UBAC1: variants seen among roughly 807,000 people sequenced by gnomAD.
UBAC1 encodes UBA domain containing 1.
In UBAC1, 27 loss-of-function variants were observed where a neutral mutation model predicts 45.9. That is an observed-to-expected ratio of 0.59 (90% CI 0.43 to 0.81). The LOEUF (loss-of-function observed/expected upper bound fraction) is 0.81. Among genes scored for constraint, UBAC1 ranks in the 30% least tolerant of loss-of-function variants. UBAC1 has a pLI of 0.00. For missense variants in UBAC1, 529 were observed against 539.2 expected (o/e 0.98, Z 0.19); for synonymous variants, 227 against 215.5 (o/e 1.05, Z -0.47).
chr9:135,939,468 TCA>T (rs373225127), intron 8 of UBAC1, among the ~76,000 whole-genome samples: 11 of 143,600 alleles, frequency 7.7e-5, no homozygotes, highest in East Asian at 4.3e-4. Flanking sequence ...CAGCCCACAC[TCA>T]CAGCCCACAC....
At chr9:135,941,168 G>C (rs1342415502) in intron 7 of UBAC1, among the ~76,000 whole-genome samples, 1 of 152,214 alleles carries the variant, frequency 6.6e-6, no homozygotes, top group Non-Finnish European at 1.5e-5. Context: ...CACTTTGGGA[G>C]GCCGGGGTGG....
intron 9 of UBAC1, among the ~76,000 whole-genome samples, chr9:135,936,370 T>C (rs759062641): frequency 9.2e-5 from 14 of 152,120 alleles, no homozygotes; most frequent in South Asian, 2.1e-4. Context: ...AGAAGATCCC[T>C]ACCTCACACC....
At chr9:135,958,581 T>C (rs1055168747) in intron 1 of UBAC1, among the ~76,000 whole-genome samples, 1 of 151,806 alleles carries the variant, frequency 6.6e-6, no homozygotes, top group South Asian at 2.1e-4. Context: ...TCCAGGCAGA[T>C]GGAAAAGAGG....
chr9:135,957,526 G>A (rs780919176), intron 1 of UBAC1, among the ~76,000 whole-genome samples: 5 of 152,030 alleles, frequency 3.3e-5, no homozygotes, highest in Non-Finnish European at 7.4e-5. Flanking sequence ...CTGCTTCTTT[G>A]TTCTCGGCAG....
chr9:135,942,629 G>A (rs1839282834), intron 7 of UBAC1, among the ~76,000 whole-genome samples: 1 of 151,066 alleles, frequency 6.6e-6, no homozygotes, highest in African/African-American at 2.4e-5. Context: ...CTCCAGCCTG[G>A]GTGACAGAGT....
chr9:135,954,087 C>A (rs535560978), intron 2 of UBAC1, among the ~76,000 whole-genome samples: 86 of 149,218 alleles, frequency 5.8e-4, no homozygotes, highest in African/African-American at 2.0e-3. Context: ...TGCACTGAGC[C>A]AAGATTGCAC....
intron 6 of UBAC1, 40 bp from the exon 7 acceptor site, chr9:135,945,290 C>A (rs542476588): frequency 6.7e-7 from 1 of 1,497,952 alleles, no homozygotes. Context: ...CCCAGACTAA[C>A]GGACCAGGGC....
rs754496149 is a variant in UBAC1, at chr9:135,945,227, T to A, written c.677A>T (p.Glu226Val). The A allele has an allele frequency of 6.3e-7, 1 of 1,596,854 alleles. No homozygotes were observed. The highest frequency in any genetic ancestry group is 1.1e-5 in the South Asian group (1 of 89,750). ...GTCTTCTGCGTGTTCAATTAGCCAC[T>A]CCATGGCCTGAGGCACCGACATGCT... ...LNHMSVPQAM[E>V]WLIEHAEDPT... The change falls in exon 7 of 10, where the codon GAG becomes GTG. Residue 226 changes from glutamate to valine, a missense_variant. Coordinates refer to ENST00000371756, the MANE Select transcript of UBAC1 (RefSeq NM_016172.3).
At chr9:135,936,128 C>T (rs1344881269) in intron 9 of UBAC1, among the ~76,000 whole-genome samples, 1 of 151,548 alleles carries the variant, frequency 6.6e-6, no homozygotes, top group Non-Finnish European at 1.5e-5. Flanking sequence ...CTTGCATGGA[C>T]AGTGGCGCCA....
Position 135,946,442 on chromosome 9 carries a change from C to T in UBAC1, c.442-71G>A, listed in dbSNP as rs1037738684. The T allele has an allele frequency of 1.9e-5, 19 of 982,624 alleles. No individual in the cohort carries two copies. In the East Asian group the frequency reaches 4.5e-4, roughly 23 times the overall value. 60.9% of individuals were successfully genotyped at this position (982,624 alleles called of 1,614,324 possible). On this transcript the variant is annotated intron_variant, in intron 4 of 9. Coordinates refer to ENST00000371756, the MANE Select transcript of UBAC1 (RefSeq NM_016172.3). ...CCTACTTGGATCTATGACTTGCTCC[C>T]CTGTCCTAGAACTCTTGATTCTGAG...
intron 3 of UBAC1, among the ~76,000 whole-genome samples, chr9:135,950,157 C>T (rs1011444303): frequency 6.6e-6 from 1 of 152,226 alleles, no homozygotes; most frequent in South Asian, 2.1e-4. Context: ...GATTTCAGCT[C>T]GAGACCCTGA....
intron 2 of UBAC1, 112 bp from the exon 3 acceptor site, chr9:135,953,865 G>T: frequency 1.2e-6 from 1 of 816,832 alleles, no homozygotes; most frequent in Non-Finnish European, 1.9e-6. Flanking sequence ...TCGGCCGGGC[G>T]CAGTGGCTCC....
In UBAC1 at chr9:135,933,323, G is replaced by T; in HGVS notation, c.*77C>A. The T allele has an allele frequency of 1.6e-6, 2 of 1,218,722 alleles. No homozygotes were observed. Among genetic ancestry groups the T allele is most frequent in the Non-Finnish European group, 2.4e-6 (2 of 825,394 alleles). 75.5% of individuals were successfully genotyped at this position (1,218,722 alleles called of 1,614,324 possible). ...CTGAGGCGCTGAAGGTGAGTTTCCAGGTGAGGTCCACTCTGCCCGGTCTCG... is the reference window on the plus strand; with the variant it reads ...CTGAGGCGCTGAAGGTGAGTTTCCATGTGAGGTCCACTCTGCCCGGTCTCG... On this transcript the variant is annotated 3_prime_UTR_variant, in exon 10 of 10. Transcript: ENST00000371756.
In UBAC1 at chr9:135,945,146, G is replaced by A. The variant is rs1470326494; in HGVS notation, c.758C>T (p.Thr253Ile). ...GQAPPEAEGA[T>I]AAASEAAAGA... ...CGCGGCAGCCTCGGAGGCAGCTGCT[G>A]TGGCCCCCTCGGCCTCTGGGGGAGC... The change falls in exon 7 of 10, where the codon ACA becomes ATA. Residue 253 changes from threonine (T) to isoleucine (I), a missense_variant. Thr to Ile is a moderately conservative substitution (Grantham distance 89). Coordinates refer to ENST00000371756, the MANE Select transcript of UBAC1 (RefSeq NM_016172.3). The A allele has an allele frequency of 1.9e-6, 3 of 1,613,910 alleles. No individual in the cohort carries two copies. Among genetic ancestry groups the A allele is most frequent in the Non-Finnish European group, 2.5e-6 (3 of 1,179,960 alleles).
intron 1 of UBAC1, among the ~76,000 whole-genome samples, chr9:135,959,782 T>C (rs1839510619): frequency 6.6e-6 from 1 of 152,096 alleles, no homozygotes; most frequent in South Asian, 2.1e-4. Flanking sequence ...GCCCCGATGG[T>C]TGTTCAGACG....
intron 1 of UBAC1, among the ~76,000 whole-genome samples, chr9:135,956,725 CCA>C (rs1405972443): frequency 4.6e-5 from 7 of 152,312 alleles, no homozygotes; most frequent in African/African-American, 1.7e-4. Flanking sequence ...CACAAAATAC[CCA>C]CAGTTTCCAT....
intron 3 of UBAC1, among the ~76,000 whole-genome samples, chr9:135,951,885 A>G (rs970083609): frequency 1.3e-5 from 2 of 152,248 alleles, no homozygotes; most frequent in Non-Finnish European, 2.9e-5. Context: ...ACAATGTTTC[A>G]GTTTGCAAAT....
Position 135,961,181 on chromosome 9 carries a change from G to GCCTGCGCCCGCCAC in UBAC1, c.-33_-20dup, listed in dbSNP as rs1564201073. ...CGAACATCCCGCCGCCGCCGCAGGG[G>GCCTGCGCCCGCCAC]CCTGCGCCCGCCACCCGGGCCCCTG... On this transcript the variant is annotated 5_prime_UTR_variant, in exon 1 of 10. Transcript: ENST00000371756. 2 of 1,510,338 alleles carry GCCTGCGCCCGCCAC rather than the reference G, an allele frequency of 1.3e-6. No homozygotes were observed. The allele number at this position is 1,510,338 out of a possible 1,614,324, so 93.6% of individuals were successfully genotyped here.
intron 7 of UBAC1, among the ~76,000 whole-genome samples, chr9:135,944,724 T>C (rs1839306656): frequency 6.6e-6 from 1 of 152,146 alleles, no homozygotes; most frequent in Non-Finnish European, 1.5e-5. Context: ...GAAGGAACTG[T>C]AAAATATCAA....
Sources: allele counts gnomAD v4.1 joint callset (sites outside exome capture counted in the v4.1 genomes callset), GRCh38; gene constraint gnomAD v4.1.1; transcripts MANE v1.5; gene names NCBI Gene and HGNC (gene_info 2026-07-23, HGNC 2026-07-21).